PGBD2: variants seen among roughly 807,000 people sequenced by gnomAD.
PGBD2 encodes the protein piggyBac transposable element-derived protein 2.
In PGBD2, 6 loss-of-function variants were observed where a neutral mutation model predicts 8.1. The observed-to-expected ratio is 0.74, with a 90% CI of 0.40 to 1.46. PGBD2 has a LOEUF of 1.46. Ranked by LOEUF, PGBD2 falls within the 40% of genes most tolerant of loss-of-function variation. The pLI is 0.02. For missense variants in PGBD2, 802 were observed against 739.0 expected (o/e 1.09, Z -0.99); for synonymous variants, 318 against 272.2 (o/e 1.17, Z -1.66).
chr1:248,904,240 A>T (rs1003827957), upstream of PGBD2, among the ~76,000 whole-genome samples: 1 of 151,934 alleles, frequency 6.6e-6, no homozygotes, highest in Non-Finnish European at 1.5e-5. Context: ...ACTTCAAAAT[A>T]TGTATTTTCC....
chr1:248,918,592 T>C lies in PGBD2; in HGVS notation c.*229T>C, dbSNP rs1341583994. On this transcript the variant is annotated 3_prime_UTR_variant, in exon 3 of 3. Transcript: ENST00000329291. The stretch of plus-strand genomic sequence containing the variant: ...ATTTATATTTATATTTTTGAACTTA[T>C]TTATTTAAAGTTATGGATCACTTTT... The C allele has an allele frequency of 4.3e-6, 1 of 230,556 alleles. No individual in the cohort carries two copies. Among genetic ancestry groups the C allele is most frequent in the Non-Finnish European group, 8.9e-6 (1 of 112,970 alleles). 14.3% of individuals were successfully genotyped at this position (230,556 alleles called of 1,614,324 possible). A position where few individuals can be genotyped will look rare whatever the true frequency, so the allele number is the denominator to read the frequency against.
intron 1 of PGBD2, among the ~76,000 whole-genome samples, chr1:248,913,274 T>C (rs1661975676): frequency 6.6e-6 from 1 of 152,198 alleles, no homozygotes; most frequent in African/African-American, 2.4e-5. Context: ...ACTCCTTCCC[T>C]GCACATAGTA....
chr1:248,911,406 A>G (rs1661867706), intron 1 of PGBD2, among the ~76,000 whole-genome samples: 4 of 150,346 alleles, frequency 2.7e-5, no homozygotes, highest in South Asian at 2.1e-4. Flanking sequence ...TGGACACAGC[A>G]CATGTTTCAG....
chr1:248,877,590 A>G, the PGBD2 span, among the ~76,000 whole-genome samples: 1 of 152,156 alleles, frequency 6.6e-6, no homozygotes, highest in Non-Finnish European at 1.5e-5. Context: ...TGGGAGGGGG[A>G]GAAGAAGAAT....
the PGBD2 span, among the ~76,000 whole-genome samples, chr1:248,875,308 CAAA>C: frequency 0.011 from 1,246 of 110,268 alleles, 13 homozygotes; most frequent in African/African-American, 0.039. Flanking sequence ...AAAAACAAAA[CAAA>C]AAAAAAAAAA....
At chr1:248,891,983 C>T in the PGBD2 span, among the ~76,000 whole-genome samples, 145 of 152,298 alleles carry the variant, frequency 9.5e-4, no homozygotes, top group African/African-American at 3.3e-3. Flanking sequence ...GAAAAAAAGG[C>T]GTCGCCTGTG....
the PGBD2 span, among the ~76,000 whole-genome samples, chr1:248,896,033 C>T: frequency 1.1e-4 from 16 of 152,022 alleles, no homozygotes; most frequent in Non-Finnish European, 2.1e-4. Context: ...CTTCCCCCGC[C>T]CCGAGTCCCA....
At chr1:248,900,085 T>C in the PGBD2 span, among the ~76,000 whole-genome samples, 2 of 37,436 alleles carry the variant, frequency 5.3e-5, no homozygotes, top group Non-Finnish European at 1.0e-4. Flanking sequence ...GAGGCAGTAA[T>C]AAATAGCCTA....
At chr1:248,915,388 C>G (rs1405082253) in intron 2 of PGBD2, among the ~76,000 whole-genome samples, 2 of 152,198 alleles carry the variant, frequency 1.3e-5, no homozygotes, top group Admixed American at 1.3e-4. Flanking sequence ...TTTTCACTTT[C>G]AGTCCAGTAG....
At chr1:248,891,217 A>G in the PGBD2 span, among the ~76,000 whole-genome samples, 2 of 152,162 alleles carry the variant, frequency 1.3e-5, no homozygotes, top group African/African-American at 4.8e-5. Flanking sequence ...TGCCCACTAC[A>G]TTAATGGTTC....
the PGBD2 span, among the ~76,000 whole-genome samples, chr1:248,876,692 G>C: frequency 6.6e-6 from 1 of 152,162 alleles, no homozygotes; most frequent in Non-Finnish European, 1.5e-5. Flanking sequence ...GTCTGTTTTT[G>C]TGACTTTATC....
At position 248,919,099 on chromosome 1, in the gene PGBD2, A is replaced by T. The variant is rs1662227063; in HGVS notation, c.*736A>T. The T allele has an allele frequency of 1.2e-5, 2 of 167,038 alleles. No homozygotes were observed. The highest frequency in any genetic ancestry group is 6.5e-5 in the Admixed American group (1 of 15,284). 10.3% of individuals were successfully genotyped at this position (167,038 alleles called of 1,614,324 possible). A position where few individuals can be genotyped will look rare whatever the true frequency, so the allele number is the denominator to read the frequency against. ...CCTTTGTGTTTCAAACAATCCAATT[A>T]TACTGTTAGTTATTTTAAAATGTGC... On this transcript the variant is annotated 3_prime_UTR_variant, in exon 3 of 3. Transcript: ENST00000329291.
chr1:248,894,822 C>T, the PGBD2 span, among the ~76,000 whole-genome samples: 1 of 151,234 alleles, frequency 6.6e-6, no homozygotes, highest in South Asian at 2.1e-4. Flanking sequence ...TAGATGAGGT[C>T]TCGCTCTGAT....
At chr1:248,875,317 A>C in the PGBD2 span, among the ~76,000 whole-genome samples, 1 of 147,686 alleles carries the variant, frequency 6.8e-6, no homozygotes, top group Middle Eastern at 3.5e-3. Flanking sequence ...ACAAAAAAAA[A>C]AAAAAAAAAA....
the PGBD2 span, among the ~76,000 whole-genome samples, chr1:248,875,026 G>C: frequency 6.6e-6 from 1 of 152,092 alleles, no homozygotes; most frequent in African/African-American, 2.4e-5. Context: ...GGCCTGGCGC[G>C]GTGGCTGACG....
At chr1:248,873,910 G>C in the PGBD2 span, among the ~76,000 whole-genome samples, 1 of 152,206 alleles carries the variant, frequency 6.6e-6, no homozygotes, top group East Asian at 1.9e-4. Context: ...CCTTGCCTGC[G>C]GGCTTTCTGG....
At chr1:248,881,033 C>T in the PGBD2 span, among the ~76,000 whole-genome samples, 2 of 152,140 alleles carry the variant, frequency 1.3e-5, no homozygotes, top group Non-Finnish European at 2.9e-5. Context: ...TGCCTGAACC[C>T]TGAGACTGAG....
chr1:248,885,085 C>A, the PGBD2 span, among the ~76,000 whole-genome samples: 8 of 151,822 alleles, frequency 5.3e-5, no homozygotes, highest in African/African-American at 1.9e-4. Context: ...TTTTGCAGTC[C>A]CCTTGGCCAC....
the PGBD2 span, among the ~76,000 whole-genome samples, chr1:248,882,227 A>G: frequency 1.3e-5 from 2 of 152,190 alleles, no homozygotes; most frequent in Admixed American, 1.3e-4. Context: ...AGCATTTATT[A>G]TTAAGTTTAG....
Sources: allele counts gnomAD v4.1 joint callset (sites outside exome capture counted in the v4.1 genomes callset), GRCh38; gene constraint gnomAD v4.1.1; transcripts MANE v1.5; gene names NCBI Gene and HGNC (gene_info 2026-07-23, HGNC 2026-07-21).